The following YBX3 variants were observed in gnomAD, a reference collection of about 807,000 sequenced individuals.
The protein encoded by YBX3 is Y-box-binding protein 3.
YBX3 carries 29 observed loss-of-function variants against 42.4 expected under a neutral mutation model. That is an observed-to-expected ratio of 0.68 (90% CI 0.51 to 0.93). The LOEUF (loss-of-function observed/expected upper bound fraction) is 0.93, where lower values mean the gene tolerates loss of function less well. YBX3 is among the 40% of genes least tolerant of loss of function. The pLI is 0.00. For missense variants in YBX3, 517 were observed against 527.5 expected (o/e 0.98, Z 0.19); for synonymous variants, 195 against 189.8 (o/e 1.03, Z -0.22).
intron 4 of YBX3, among the ~76,000 whole-genome samples, chr12:10,714,886 C>T (rs142138027): frequency 1.1e-4 from 17 of 151,802 alleles, no homozygotes; most frequent in East Asian, 9.8e-4. Flanking sequence ...CCTGAGTAGC[C>T]GGAATTACAG....
chr12:10,708,372 C>T (rs752125666), intron 6 of YBX3, among the ~76,000 whole-genome samples: 9 of 151,668 alleles, frequency 5.9e-5, no homozygotes, highest in Middle Eastern at 3.4e-3. Context: ...TAGTAGAAAA[C>T]GTTGGCGAAG....
chr12:10,704,224 A>T, intron 6 of YBX3, 76 bp from the exon 7 acceptor site: 1 of 1,272,526 alleles, frequency 7.9e-7, no homozygotes, highest in Non-Finnish European at 1.1e-6. Context: ...CTATGTTCAG[A>T]ATTTTTTTTA....
chr12:10,707,109 T>G (rs147714980), intron 6 of YBX3, among the ~76,000 whole-genome samples: 256 of 152,304 alleles, frequency 1.7e-3, no homozygotes, highest in Non-Finnish European at 2.6e-3. Context: ...ACGCCTTTCC[T>G]GGGACCTGAT....
intron 9 of YBX3, among the ~76,000 whole-genome samples, chr12:10,700,597 G>A (rs772875558): frequency 6.6e-6 from 1 of 152,100 alleles, no homozygotes; most frequent in Admixed American, 6.5e-5. Context: ...ATCCTTTTAC[G>A]AGAGGTTATT....
chr12:10,711,594 C>T (rs1948200619), intron 5 of YBX3: 1 of 152,158 alleles, frequency 6.6e-6, no homozygotes, highest in Non-Finnish European at 1.5e-5. Context: ...TTGCATTTCA[C>T]ACAATCAAAT....
At chr12:10,703,906 C>T in intron 7 of YBX3, 145 bp downstream of exon 7, 2 of 672,374 alleles carry the variant, frequency 3.0e-6, no homozygotes, top group Non-Finnish European at 5.0e-6. Flanking sequence ...AATGTCACAC[C>T]ACCACCTGAA....
At position 10,704,101 on chromosome 12, in the gene YBX3, T is replaced by C. The variant is rs766820092; in HGVS notation, c.828A>G (p.Gln276=). ...EMKDGVPEGA[Q]LQGPVHRNPT... The stretch of plus-strand genomic sequence containing the variant: ...GATTTCGATGAACCGGTCCCTGAAG[T>C]TGTGCTCCCTCTGGGACTCCATCCT... The change falls in exon 7 of 10, where the codon CAA becomes CAG. Residue 276 remains glutamine (Q), a synonymous_variant. Coordinates refer to ENST00000228251, the MANE Select transcript of YBX3 (RefSeq NM_003651.5). 1.1e-5 allele frequency: 17 copies of C among 1,614,174 alleles called. No individual in the cohort carries two copies. The Admixed American group carries it at 1.8e-4, about 17-fold the overall frequency.
At chr12:10,715,654 T>C in intron 4 of YBX3, 40 bp downstream of exon 4, 1 of 1,531,236 alleles carries the variant, frequency 6.5e-7, no homozygotes, top group Non-Finnish European at 9.1e-7. Flanking sequence ...AACAGTACTA[T>C]GTGCCAGCAC....
At position 10,704,111 on chromosome 12, in the gene YBX3, T is replaced by G. The variant is rs754330079; in HGVS notation, c.818A>C (p.Glu273Ala). 2.5e-6 allele frequency: 4 copies of G among 1,614,202 alleles called. No homozygotes were observed. In the East Asian group the frequency reaches 8.9e-5, roughly 36 times the overall value. ...EIGEMKDGVP[E>A]GAQLQGPVHR... Reference sequence around the variant, plus strand: ...AACCGGTCCCTGAAGTTGTGCTCCCTCTGGGACTCCATCCTTCATCTCTCC... The same window carrying G: ...AACCGGTCCCTGAAGTTGTGCTCCCGCTGGGACTCCATCCTTCATCTCTCC... Residue 273 changes from glutamate to alanine, a missense_variant, in exon 7 of 10, where the codon GAG becomes GCG. Transcript: ENST00000228251.
At chr12:10,703,927 T>C (rs1459344833) in intron 7 of YBX3, 124 bp downstream of exon 7, 4 of 865,284 alleles carry the variant, frequency 4.6e-6, no homozygotes, top group Non-Finnish European at 5.4e-6. Flanking sequence ...AACTCTGGCA[T>C]GTAGTCAAAG....
chr12:10,717,011 T>C (rs2120974762), intron 3 of YBX3, among the ~76,000 whole-genome samples: 1 of 152,274 alleles, frequency 6.6e-6, no homozygotes, highest in Admixed American at 6.5e-5. Context: ...ATTCTTACCC[T>C]AAAAGGTCTA....
chr12:10,707,856 A>T (rs1462108144), intron 6 of YBX3, among the ~76,000 whole-genome samples: 1 of 152,202 alleles, frequency 6.6e-6, no homozygotes, highest in Admixed American at 6.5e-5. Flanking sequence ...GTTGAGTCAC[A>T]AAAAAAGACT....
chr12:10,703,796 TA>T (rs1316236630), intron 7 of YBX3: 2 of 418,134 alleles, frequency 4.8e-6, no homozygotes, highest in Non-Finnish European at 8.7e-6. Flanking sequence ...TTTATTTTGA[TA>T]AAAATTAAGT....
At position 10,709,860 on chromosome 12, in the gene YBX3, G is replaced by T. The variant is rs754350067; in HGVS notation, c.780+48C>A. 1.5e-5 allele frequency: 24 copies of T among 1,604,928 alleles called. No homozygotes were observed. In the Admixed American group the frequency reaches 4.0e-4, roughly 27 times the overall value. ...GGAGGAGGAAGAGGAGGCAGAGAAG[G>T]ACGGAAGGGTGAGGATTGCTGAAGA... On this transcript the variant is annotated intron_variant, in intron 6 of 9. Coordinates refer to ENST00000228251, the MANE Select transcript of YBX3 (RefSeq NM_003651.5).
chr12:10,718,883 A>T (rs1019172617), intron 2 of YBX3, among the ~76,000 whole-genome samples, 197 bp downstream of exon 2: 8 of 152,212 alleles, frequency 5.3e-5, no homozygotes, highest in African/African-American at 1.9e-4. Context: ...ATTTTATGAA[A>T]TAAGTTATTT....
intron 1 of YBX3, among the ~76,000 whole-genome samples, chr12:10,721,708 A>C (rs1948327121): frequency 6.6e-6 from 1 of 152,156 alleles, no homozygotes; most frequent in African/African-American, 2.4e-5. Flanking sequence ...TGCTCCCTCA[A>C]CTTTCTTCCC....
intron 2 of YBX3, 37 bp from the exon 3 acceptor site, chr12:10,718,158 A>G (rs1398030973): frequency 1.3e-6 from 2 of 1,596,152 alleles, no homozygotes; most frequent in East Asian, 2.2e-5. Context: ...TAAAGGTAGT[A>G]CGTATGTGGA....
chr12:10,720,542 T>C (rs1948313268), intron 1 of YBX3, among the ~76,000 whole-genome samples: 2 of 152,162 alleles, frequency 1.3e-5, no homozygotes, highest in African/African-American at 4.8e-5. Context: ...AAAAAAACAG[T>C]TGATGTTTTC....
rs531130300 is a variant in YBX3, at chr12:10,718,467, C to T, written c.327-346G>A. The T allele has an allele frequency of 1.4e-5, 3 of 221,828 alleles. No individual in the cohort carries two copies. In the South Asian group the frequency reaches 3.3e-4, roughly 24 times the overall value. The allele number at this position is 221,828 out of a possible 1,614,324, so 13.7% of individuals were successfully genotyped here. On this transcript the variant is annotated intron_variant, in intron 2 of 9. Transcript: ENST00000228251. ...AAGCAAGACAGTTAAAAGGACAGGG[C>T]ACAGCTGTGAACTAGGCTCTCCTTA...
Sources: allele counts gnomAD v4.1 joint callset (sites outside exome capture counted in the v4.1 genomes callset), GRCh38; gene constraint gnomAD v4.1.1; transcripts MANE v1.5; gene names NCBI Gene and HGNC (gene_info 2026-07-23, HGNC 2026-07-21).